RASAL2: variants seen among roughly 807,000 people sequenced by gnomAD.
RASAL2 encodes RAS protein activator like 2, also known as ras GTPase-activating protein nGAP.
In RASAL2, 58 loss-of-function variants were observed where a neutral mutation model predicts 128.9. That is an observed-to-expected ratio of 0.45 (90% confidence interval 0.36 to 0.56). RASAL2 has a LOEUF of 0.56. Among genes scored for constraint, RASAL2 ranks in the 20% least tolerant of loss-of-function variants. The probability of loss-of-function intolerance (pLI) is 0.00; values close to 1 mark genes in which losing one functional copy is unlikely to be tolerated. For missense variants in RASAL2, 1,360 were observed against 1,601.6 expected (o/e 0.85, Z 2.57); for synonymous variants, 561 against 580.8 (o/e 0.97, Z 0.49).
chr1:178,452,884 A>G (rs1238922263), intron 11 of RASAL2, among the ~76,000 whole-genome samples: 1 of 152,196 alleles, frequency 6.6e-6, no homozygotes, highest in Non-Finnish European at 1.5e-5. Context: ...ACTGTTTACA[A>G]AAACTATCTA....
chr1:178,142,921 A>G (rs906151121), intron 1 of RASAL2, among the ~76,000 whole-genome samples: 2 of 152,062 alleles, frequency 1.3e-5, no homozygotes, highest in Non-Finnish European at 2.9e-5. Flanking sequence ...GCATGTGGGT[A>G]AAATCTAGTG....
intron 1 of RASAL2, chr1:178,123,816 G>A (rs1659797520): frequency 6.6e-6 from 1 of 152,590 alleles, no homozygotes. Flanking sequence ...GGGACTACAG[G>A]TGCACGCCAT....
chr1:178,364,357 C>T (rs140734855), intron 3 of RASAL2, among the ~76,000 whole-genome samples: 2 of 152,264 alleles, frequency 1.3e-5, no homozygotes, highest in East Asian at 3.9e-4. Flanking sequence ...TAAGTCTTCA[C>T]CCAACCTCCA....
At chr1:178,255,547 C>A (rs1262902606) in intron 1 of RASAL2, among the ~76,000 whole-genome samples, 1 of 151,842 alleles carries the variant, frequency 6.6e-6, no homozygotes, top group Non-Finnish European at 1.5e-5. Context: ...CATGTAATAT[C>A]TATAACAATA....
chr1:178,096,202 A>G (rs976675482), intron 1 of RASAL2, among the ~76,000 whole-genome samples: 3 of 152,166 alleles, frequency 2.0e-5, no homozygotes, highest in Admixed American at 6.5e-5. Context: ...TGTAGTTACA[A>G]CGTTTTCCCA....
chr1:178,304,741 C>G (rs1013150156), intron 3 of RASAL2, among the ~76,000 whole-genome samples: 2 of 152,136 alleles, frequency 1.3e-5, no homozygotes, highest in African/African-American at 4.8e-5. Flanking sequence ...AGATCTGGAA[C>G]ACAACAAGGT....
chr1:178,240,217 C>T (rs1664439207), intron 1 of RASAL2, among the ~76,000 whole-genome samples: 1 of 151,988 alleles, frequency 6.6e-6, no homozygotes, highest in African/African-American at 2.4e-5. Context: ...CCTCTCTAGC[C>T]TATTATTTCA....
intron 3 of RASAL2, among the ~76,000 whole-genome samples, chr1:178,382,215 A>T (rs926088151): frequency 3.9e-5 from 6 of 152,252 alleles, no homozygotes; most frequent in Admixed American, 1.3e-4. Flanking sequence ...GATATTCTTT[A>T]TAAGTTGTTT....
At chr1:178,351,669 CAGTGAGCCAAG>C (rs1670513173) in intron 3 of RASAL2, among the ~76,000 whole-genome samples, 1 of 148,928 alleles carries the variant, frequency 6.7e-6, no homozygotes, top group Non-Finnish European at 1.5e-5. Flanking sequence ...GCAGAGCTTG[CAGTGAGCCAAG>C]ATTGTGCCAC....
intron 1 of RASAL2, among the ~76,000 whole-genome samples, chr1:178,198,578 T>C (rs1662754660): frequency 6.6e-6 from 1 of 152,230 alleles, no homozygotes; most frequent in South Asian, 2.1e-4. Flanking sequence ...TGTTGGAGTT[T>C]GCTGGAGGTC....
At chr1:178,470,405 G>A (rs1363732130) in intron 17 of RASAL2, among the ~76,000 whole-genome samples, 1 of 152,176 alleles carries the variant, frequency 6.6e-6, no homozygotes, top group Non-Finnish European at 1.5e-5. Context: ...TTTCTAACAG[G>A]AACTGCAAAA....
intron 1 of RASAL2, among the ~76,000 whole-genome samples, chr1:178,173,701 ACTT>A: frequency 6.6e-6 from 1 of 152,022 alleles, no homozygotes; most frequent in Middle Eastern, 3.4e-3. Context: ...CTTTACCACT[ACTT>A]CTTTCCTTTT....
At chr1:178,445,446 A>G (rs1282792867) in intron 8 of RASAL2, 72 bp from the exon 9 acceptor site, 1 of 1,430,676 alleles carries the variant, frequency 7.0e-7, no homozygotes, top group Non-Finnish European at 9.4e-7. Flanking sequence ...GATGTCTGAT[A>G]TTTCAAAAGT....
chr1:178,164,830 T>C (rs1661465955), intron 1 of RASAL2, among the ~76,000 whole-genome samples: 1 of 138,468 alleles, frequency 7.2e-6, no homozygotes, highest in African/African-American at 3.0e-5. Context: ...CGTTTGTGTG[T>C]GTGTGTGTGT....
intron 3 of RASAL2, among the ~76,000 whole-genome samples, chr1:178,317,179 C>T (rs1294410703): frequency 2.3e-5 from 3 of 130,334 alleles, no homozygotes; most frequent in Non-Finnish European, 4.6e-5. Flanking sequence ...TGATGTGCTG[C>T]TGGATTCGGT....
chr1:178,322,264 G>A (rs374713776), intron 3 of RASAL2, among the ~76,000 whole-genome samples: 13 of 151,886 alleles, frequency 8.6e-5, no homozygotes, highest in African/African-American at 1.7e-4. Flanking sequence ...CTGCCTCACC[G>A]TACTTTTTAA....
intron 3 of RASAL2, among the ~76,000 whole-genome samples, chr1:178,329,035 CTATTA>C (rs1669169862): frequency 6.6e-6 from 1 of 152,070 alleles, no homozygotes; most frequent in Admixed American, 6.6e-5. Context: ...TTTTTAATTC[CTATTA>C]TGTGCCACAC....
At chr1:178,461,324 C>A (rs2102925350) in intron 14 of RASAL2, among the ~76,000 whole-genome samples, 2 of 152,256 alleles carry the variant, frequency 1.3e-5, no homozygotes, top group Middle Eastern at 6.8e-3. Flanking sequence ...AGCTTTGTCC[C>A]ATGCAAATTC....
At chr1:178,446,225 G>A (rs932425087) in intron 9 of RASAL2, among the ~76,000 whole-genome samples, 1 of 152,138 alleles carries the variant, frequency 6.6e-6, no homozygotes, top group Non-Finnish European at 1.5e-5. Flanking sequence ...GCTAGAGTAA[G>A]GTACTGTGCT....
Sources: allele counts gnomAD v4.1 joint callset (sites outside exome capture counted in the v4.1 genomes callset), GRCh38; gene constraint gnomAD v4.1.1; transcripts MANE v1.5; gene names NCBI Gene and HGNC (gene_info 2026-07-23, HGNC 2026-07-21).